Variants in CHKA observed in about 807,000 individuals in gnomAD.
The protein encoded by CHKA is CHETK-alpha.
A neutral mutation model predicts 60.1 loss-of-function variants in CHKA; 34 were observed. The ratio of observed to expected loss-of-function variants is 0.57; its 90% CI spans 0.43 to 0.75. The LOEUF (loss-of-function observed/expected upper bound fraction) is 0.75, where lower values mean the gene tolerates loss of function less well. Ranked by LOEUF, CHKA falls within the 30% of genes least tolerant of loss-of-function variation. The pLI, the probability that CHKA is intolerant of heterozygous loss-of-function variation, is 0.00. For missense variants in CHKA, 563 were observed against 561.3 expected, an observed-to-expected ratio of 1.00 and a Z score of -0.03; for synonymous variants, 217 against 223.1, an observed-to-expected ratio of 0.97 and a Z score of 0.24.
In CHKA at chr11:68,070,367, G is replaced by A. The variant is rs187799057; in HGVS notation, c.765-74C>T. On this transcript the variant is annotated intron_variant, in intron 5 of 11. Coordinates refer to ENST00000265689, the MANE Select transcript of CHKA (RefSeq NM_001277.3). Reference sequence around the variant, plus strand: ...TTCACCAAGGCTTGCTGTTCTTGGGGCTTTGGTTAAACATTCAATCCCAGC... The same window carrying A: ...TTCACCAAGGCTTGCTGTTCTTGGGACTTTGGTTAAACATTCAATCCCAGC... 1,122 of 1,136,114 alleles carry A rather than the reference G, an allele frequency of 9.9e-4. 8 individuals carry two copies. The Middle Eastern group carries it at 0.03, about 30-fold the overall frequency. The allele number at this position is 1,136,114 out of a possible 1,614,324, so 70.4% of individuals were successfully genotyped here.
chr11:68,065,560 G>A (rs1856413149), intron 9 of CHKA, among the ~76,000 whole-genome samples: 2 of 152,092 alleles, frequency 1.3e-5, no homozygotes, highest in African/African-American at 2.4e-5. Flanking sequence ...AATTAGCTGG[G>A]CGTGGTGGCA....
At chr11:68,103,245 C>T (rs1409213616) in intron 1 of CHKA, among the ~76,000 whole-genome samples, 2 of 152,038 alleles carry the variant, frequency 1.3e-5, no homozygotes, top group African/African-American at 2.4e-5. Context: ...GTCCCAACTA[C>T]TCGGGAGGTT....
At chr11:68,103,450 A>G (rs1415134431) in intron 1 of CHKA, among the ~76,000 whole-genome samples, 1 of 152,200 alleles carries the variant, frequency 6.6e-6, no homozygotes, top group African/African-American at 2.4e-5. Flanking sequence ...TTTCAATGAT[A>G]AAAGATAACA....
intron 1 of CHKA, among the ~76,000 whole-genome samples, chr11:68,116,618 G>A (rs572779722): frequency 2.0e-5 from 3 of 152,092 alleles, no homozygotes; most frequent in East Asian, 1.9e-4. Context: ...TCGGGAGGCC[G>A]AGGCAGGAGA....
intron 3 of CHKA, among the ~76,000 whole-genome samples, chr11:68,078,492 T>C (rs954583564): frequency 2.6e-5 from 4 of 152,136 alleles, no homozygotes; most frequent in South Asian, 2.1e-4. Context: ...AGATGTCAGA[T>C]TGGAGCATGT....
chr11:68,104,347 T>C (rs984551033), intron 1 of CHKA, among the ~76,000 whole-genome samples: 12 of 151,574 alleles, frequency 7.9e-5, no homozygotes, highest in African/African-American at 1.2e-4. Context: ...CAGGGAGAGG[T>C]TGGCCAACTG....
chr11:68,112,053 C>CAA (rs754639082), intron 1 of CHKA, among the ~76,000 whole-genome samples: 12,773 of 20,814 alleles, frequency 0.61, 4,578 homozygotes, highest in Admixed American at 0.71. Context: ...AACTCCGTCT[C>CAA]AAAAAAAAAA....
chr11:68,063,752 AGGGAGTTCTCACAAGATCTGAT>A, intron 10 of CHKA, among the ~76,000 whole-genome samples: 1 of 152,302 alleles, frequency 6.6e-6, no homozygotes, highest in African/African-American at 2.4e-5. Context: ...CACAATAGTG[AGGGAGTTCTCACAAGATCTGAT>A]GGTTTTACAA....
chr11:68,058,729 G>C (rs1856116074), intron 11 of CHKA, among the ~76,000 whole-genome samples: 1 of 152,088 alleles, frequency 6.6e-6, no homozygotes, highest in African/African-American at 2.4e-5. Context: ...CCTTCCCAGT[G>C]CACCTATATT....
intron 11 of CHKA, among the ~76,000 whole-genome samples, chr11:68,058,257 A>G (rs964002281): frequency 6.6e-6 from 1 of 152,202 alleles, no homozygotes; most frequent in Non-Finnish European, 1.5e-5. Flanking sequence ...TCTTATAACC[A>G]GGTAGTAGAA....
At chr11:68,112,106 CA>C (rs71040586) in intron 1 of CHKA, among the ~76,000 whole-genome samples, 141,457 of 141,508 alleles carry the variant, frequency 1, 70,703 homozygotes, top group Middle Eastern at 1. Flanking sequence ...CGTCCACATG[CA>C]AAAAAAAATC....
At chr11:68,111,793 C>T (rs896435974) in intron 1 of CHKA, among the ~76,000 whole-genome samples, 1 of 152,008 alleles carries the variant, frequency 6.6e-6, no homozygotes, top group African/African-American at 2.4e-5. Context: ...GTAGCTCACA[C>T]CTGTAATCCC....
At chr11:68,065,039 C>G (rs771729488) in intron 9 of CHKA, among the ~76,000 whole-genome samples, 2 of 152,184 alleles carry the variant, frequency 1.3e-5, no homozygotes, top group Non-Finnish European at 2.9e-5. Context: ...AGAACTGATT[C>G]TCCACACAAT....
intron 11 of CHKA, among the ~76,000 whole-genome samples, chr11:68,055,435 C>G (rs865939156): frequency 8.5e-5 from 13 of 152,118 alleles, no homozygotes; most frequent in African/African-American, 2.9e-4. Flanking sequence ...TGTTTGAGTG[C>G]AAGTCTTGGT....
At chr11:68,068,466 A>G (rs949767217) in intron 7 of CHKA, among the ~76,000 whole-genome samples, 4 of 150,610 alleles carry the variant, frequency 2.7e-5, no homozygotes, top group Non-Finnish European at 5.9e-5. Context: ...CATCCAGGCT[A>G]CAGTACAGTG....
At chr11:68,110,672 T>G (rs1858099063) in intron 1 of CHKA, among the ~76,000 whole-genome samples, 2 of 152,180 alleles carry the variant, frequency 1.3e-5, no homozygotes, top group Admixed American at 6.5e-5. Flanking sequence ...CCCCAGCAAG[T>G]TATTTTGTGA....
chr11:68,097,727 T>C (rs1857562018), intron 1 of CHKA, among the ~76,000 whole-genome samples: 1 of 152,128 alleles, frequency 6.6e-6, no homozygotes, highest in Admixed American at 6.6e-5. Context: ...CAAGATCTTC[T>C]ACGCTAGTGT....
At position 68,074,704 on chromosome 11, in the gene CHKA, G is replaced by C. The variant is rs746323309; in HGVS notation, c.630+13C>G. Reference sequence around the variant, plus strand: ...TGGCATATGTCAACTAAGCGTTTATGAACAAATCTTACCGGGATGAACTGC... The same window carrying C: ...TGGCATATGTCAACTAAGCGTTTATCAACAAATCTTACCGGGATGAACTGC... On this transcript the variant is annotated intron_variant, in intron 4 of 11. Transcript: ENST00000265689. The C allele has an allele frequency of 6.2e-7, 1 of 1,612,732 alleles. No homozygotes were observed. Among genetic ancestry groups the C allele is most frequent in the African/African-American group, 1.3e-5 (1 of 74,912 alleles).
At chr11:68,101,114 A>AT (rs1172331179) in intron 1 of CHKA, among the ~76,000 whole-genome samples, 1 of 151,248 alleles carries the variant, frequency 6.6e-6, no homozygotes, top group African/African-American at 2.4e-5. Context: ...CACCGGGCTA[A>AT]TTTTTTTGTA....
Sources: allele counts gnomAD v4.1 joint callset (sites outside exome capture counted in the v4.1 genomes callset), GRCh38; gene constraint gnomAD v4.1.1; transcripts MANE v1.5; gene names NCBI Gene and HGNC (gene_info 2026-07-23, HGNC 2026-07-21).